PRDM1: variants seen among roughly 807,000 people sequenced by gnomAD.
PRDM1 encodes the protein PR domain zinc finger protein 1.
A neutral mutation model predicts 62.8 loss-of-function variants in PRDM1; 13 were observed. The observed-to-expected ratio is 0.21, with a 90% CI of 0.13 to 0.33. PRDM1 has a LOEUF of 0.33. PRDM1 is among the 10% of genes least tolerant of loss of function. The pLI is 1.00. For missense variants in PRDM1, 895 were observed against 1,058.8 expected (o/e 0.85, Z 2.15); for synonymous variants, 396 against 417.6 (o/e 0.95, Z 0.63).
At chr6:106,054,208 G>A (rs1005625003) in intron 1 of PRDM1, among the ~76,000 whole-genome samples, 13 of 151,978 alleles carry the variant, frequency 8.6e-5, no homozygotes, top group Admixed American at 3.9e-4. Context: ...ACAGAAACAC[G>A]TATGTATAAA....
At chr6:105,993,012 C>T (rs1236790831), upstream of PRDM1, among the ~76,000 whole-genome samples, 1 of 152,148 alleles carries the variant, frequency 6.6e-6, no homozygotes, top group Non-Finnish European at 1.5e-5. Context: ...CCTTTGGGTC[C>T]CAAGACATGA....
intron 3 of PRDM1, chr6:106,098,561 C>T: frequency 7.7e-7 from 1 of 1,294,392 alleles, no homozygotes; most frequent in South Asian, 1.3e-5. Context: ...GGTTCCCTTC[C>T]CTCCTTTGCA....
At chr6:106,039,390 A>T (rs1031404182) in intron 1 of PRDM1, among the ~76,000 whole-genome samples, 1 of 152,228 alleles carries the variant, frequency 6.6e-6, no homozygotes, top group African/African-American at 2.4e-5. Flanking sequence ...GTTTATTTTC[A>T]TCTAAGAGAA....
In PRDM1 at chr6:106,107,560, G is replaced by A; in HGVS notation, c.*74G>A. The A allele has an allele frequency of 7.5e-7, 1 of 1,335,394 alleles. No individual in the cohort carries two copies. Among genetic ancestry groups the A allele is most frequent in the African/African-American group, 1.5e-5 (1 of 67,576 alleles). 82.7% of individuals were successfully genotyped at this position (1,335,394 alleles called of 1,614,324 possible). On this transcript the variant is annotated 3_prime_UTR_variant, in exon 7 of 7. Coordinates refer to ENST00000369096, the MANE Select transcript of PRDM1 (RefSeq NM_001198.4). The stretch of plus-strand genomic sequence containing the variant: ...TCAGGGTGCCTGTAGGAAGTGGCTT[G>A]TACATAATCCCAGCTCTGCAAAGCT...
Position 106,088,297 on chromosome 6 carries a change from A to C in PRDM1, c.139A>C (p.Thr47Pro), listed in dbSNP as rs765932255. 1 of 1,614,006 alleles carries C rather than the reference A, an allele frequency of 6.2e-7. No individual in the cohort carries two copies. Among genetic ancestry groups the C allele is most frequent in the Non-Finnish European group, 8.5e-7 (1 of 1,179,994 alleles). The change falls in exon 2 of 7, where the codon ACT becomes CCT. Residue 47 changes from threonine (T) to proline (P), a missense_variant. Thr to Pro is a conservative substitution (Grantham distance 38). Coordinates refer to ENST00000369096, the MANE Select transcript of PRDM1 (RefSeq NM_001198.4). ...MKMDMEDADMTLWTEAEFEEK... is the reference protein window; with the variant it reads ...MKMDMEDADMPLWTEAEFEEK... ...AATGGACATGGAGGATGCGGATATG[A>C]CTCTGTGGACAGAGGCTGAGTTTGA...
chr6:106,089,359 A>G (rs1396687278), intron 2 of PRDM1, among the ~76,000 whole-genome samples: 1 of 152,216 alleles, frequency 6.6e-6, no homozygotes, highest in Admixed American at 6.5e-5. Context: ...TCCTTCAGAA[A>G]GTAGGGAAAG....
chr6:106,100,618 GACC>G (rs1774239123), intron 4 of PRDM1: 1 of 152,072 alleles, frequency 6.6e-6, no homozygotes, highest in East Asian at 1.9e-4. Flanking sequence ...TTGATTTTAG[GACC>G]AATGAACAAG....
intron 1 of PRDM1, among the ~76,000 whole-genome samples, chr6:106,021,899 C>T (rs1332443623): frequency 6.6e-6 from 1 of 152,180 alleles, no homozygotes; most frequent in Non-Finnish European, 1.5e-5. Context: ...GGATTACAGG[C>T]GTGAGCCACC....
rs539999836 is a variant in PRDM1 at position 106,104,978 on chromosome 6, C to T, written c.818C>T (p.Pro273Leu). ...GKDLYRSNISPLTSEKDLDDF... is the reference protein window; with the variant it reads ...GKDLYRSNISLLTSEKDLDDF... ...GACCTCTACCGTTCTAACATTTCAC[C>T]CCTCACATCAGAAAAGGACCTCGAT... Residue 273 changes from proline to leucine, a missense_variant, in exon 5 of 7, where the codon CCC (proline) becomes CTC (leucine). Around this residue, in one of 4 missense-constraint regions of PRDM1, gnomAD observed 444 missense variants for 422.7 expected, o/e 1.05. Coordinates refer to ENST00000369096, the MANE Select transcript of PRDM1 (RefSeq NM_001198.4). 1.9e-6 allele frequency: 3 copies of T among 1,614,084 alleles called. No individual in the cohort carries two copies. In the South Asian group the frequency reaches 3.3e-5, roughly 18 times the overall value.
chr6:106,102,368 T>C (rs373059088), intron 4 of PRDM1, among the ~76,000 whole-genome samples: 2 of 152,260 alleles, frequency 1.3e-5, no homozygotes, highest in East Asian at 1.9e-4. Context: ...GCACCTTTAC[T>C]GTATATGGAC....
intron 1 of PRDM1, among the ~76,000 whole-genome samples, chr6:106,030,573 G>A (rs532735666): frequency 6.6e-6 from 1 of 151,986 alleles, no homozygotes; most frequent in African/African-American, 2.4e-5. Context: ...TGACGGGGGT[G>A]GGGGGCAGGT....
chr6:106,099,512 T>C lies in PRDM1; in HGVS notation c.624T>C (p.Leu208=), dbSNP rs1396775788. The change falls in exon 4 of 7, where the codon CTT becomes CTC. Residue 208 remains leucine (L), a synonymous_variant. Transcript: ENST00000369096. ...VWYCRDFAER[L]HYPYPGELTM... Reference sequence around the variant, plus strand: ...ATTGTCGGGACTTTGCAGAAAGGCTTCACTACCCTTATCCCGGAGAGCTGA... The same window carrying C: ...ATTGTCGGGACTTTGCAGAAAGGCTCCACTACCCTTATCCCGGAGAGCTGA... The C allele has an allele frequency of 6.2e-7, 1 of 1,614,182 alleles. No homozygotes were observed. Among genetic ancestry groups the C allele is most frequent in the Non-Finnish European group, 8.5e-7 (1 of 1,180,024 alleles).
intron 1 of PRDM1, among the ~76,000 whole-genome samples, chr6:105,999,393 C>CAA (rs775068525): frequency 7.3e-6 from 1 of 137,140 alleles, no homozygotes; most frequent in African/African-American, 2.7e-5. Context: ...CCCATGTCTA[C>CAA]AAAAAAAAAA....
At chr6:106,035,828 C>A (rs1772918800) in intron 1 of PRDM1, among the ~76,000 whole-genome samples, 1 of 141,218 alleles carries the variant, frequency 7.1e-6, no homozygotes, top group Non-Finnish European at 1.6e-5. Context: ...GTCTGCCAAT[C>A]TTTGTCTTTT....
chr6:106,028,268 C>T (rs143931730), intron 1 of PRDM1, among the ~76,000 whole-genome samples: 113 of 152,312 alleles, frequency 7.4e-4, no homozygotes, highest in African/African-American at 2.6e-3. Flanking sequence ...TTCAGCACAG[C>T]AATCCAAGAC....
At chr6:106,027,862 A>T (rs896395165) in intron 1 of PRDM1, among the ~76,000 whole-genome samples, 1 of 152,154 alleles carries the variant, frequency 6.6e-6, no homozygotes, top group African/African-American at 2.4e-5. Context: ...CCAGCTCCTA[A>T]TGCTGGGTCT....
At chr6:106,023,539 G>A (rs1772726492) in intron 1 of PRDM1, among the ~76,000 whole-genome samples, 1 of 152,112 alleles carries the variant, frequency 6.6e-6, no homozygotes, top group Admixed American at 6.5e-5. Flanking sequence ...CCTCTAGGAA[G>A]CTTTACTAAA....
chr6:106,107,690 A>ATC lies in PRDM1; in HGVS notation c.*205_*206insCT, dbSNP rs1554205637. ...CAAGGCAAAGGCCATATATATATAT[A>ATC]TATATATATCTGTATACATATTATA... On this transcript the variant is annotated 3_prime_UTR_variant, in exon 7 of 7. Coordinates refer to ENST00000369096, the MANE Select transcript of PRDM1 (RefSeq NM_001198.4). 4.4e-6 allele frequency: 1 copy of ATC among 224,950 alleles called. No homozygotes were observed. Among genetic ancestry groups the ATC allele is most frequent in the Non-Finnish European group, 8.5e-6 (1 of 117,060 alleles). 13.9% of individuals were successfully genotyped at this position (224,950 alleles called of 1,614,324 possible).
chr6:106,028,040 C>G (rs1301371729), intron 1 of PRDM1, among the ~76,000 whole-genome samples: 1 of 152,202 alleles, frequency 6.6e-6, no homozygotes, highest in East Asian at 1.9e-4. Context: ...TTCTGCATTC[C>G]TCTTCTACCC....
Sources: allele counts gnomAD v4.1 joint callset (sites outside exome capture counted in the v4.1 genomes callset), GRCh38; gene constraint gnomAD v4.1.1; regional missense constraint gnomAD v4.1.1; transcripts MANE v1.5; gene names NCBI Gene and HGNC (gene_info 2026-07-23, HGNC 2026-07-21).